ADAM12: variants seen among roughly 807,000 people sequenced by gnomAD.
The protein encoded by ADAM12 is ADAM metallopeptidase domain 12.
ADAM12 carries 70 observed loss-of-function variants against 106.4 expected under a neutral mutation model. The ratio of observed to expected loss-of-function variants is 0.66; its 90% CI spans 0.54 to 0.80. ADAM12 has a LOEUF of 0.80. Ranked by LOEUF, ADAM12 falls within the 30% of genes least tolerant of loss-of-function variation. The pLI, the probability that ADAM12 is intolerant of heterozygous loss-of-function variation, is 0.00. For synonymous variants in ADAM12, 420 were observed against 433.5 expected (o/e 0.97, Z 0.39); for missense variants, 1,010 against 1,171.9 (o/e 0.86, Z 2.02).
At chr10:126,117,159 C>T (rs1955999297) in intron 6 of ADAM12, among the ~76,000 whole-genome samples, 1 of 152,198 alleles carries the variant, frequency 6.6e-6, no homozygotes, top group African/African-American at 2.4e-5. Context: ...TCAGGGCCTC[C>T]AGCCAAATGT....
intron 1 of ADAM12, among the ~76,000 whole-genome samples, chr10:126,376,030 G>A (rs1048344238): frequency 2.7e-5 from 4 of 150,056 alleles, no homozygotes; most frequent in African/African-American, 9.8e-5. Context: ...TTACAGGTAT[G>A]AGTCACTGGG....
intron 1 of ADAM12, among the ~76,000 whole-genome samples, chr10:126,378,600 C>G (rs1445102468): frequency 6.6e-6 from 1 of 152,072 alleles, no homozygotes; most frequent in South Asian, 2.1e-4. Context: ...ACGAACCAAC[C>G]AACTTCACAG....
chr10:126,381,980 A>G (rs1354300483), intron 1 of ADAM12, among the ~76,000 whole-genome samples: 2 of 151,946 alleles, frequency 1.3e-5, no homozygotes, highest in African/African-American at 4.8e-5. Context: ...GTCTCAAAAA[A>G]AAAAAAACAA....
At chr10:126,375,943 G>A (rs1031787081) in intron 1 of ADAM12, among the ~76,000 whole-genome samples, 3 of 150,808 alleles carry the variant, frequency 2.0e-5, no homozygotes, top group South Asian at 2.1e-4. Flanking sequence ...GTGTCCTTAT[G>A]TTGCTCAGGC....
intron 4 of ADAM12, among the ~76,000 whole-genome samples, chr10:126,143,286 G>C (rs897639591): frequency 3.2e-5 from 3 of 94,328 alleles, no homozygotes; most frequent in Non-Finnish European, 8.2e-5. Context: ...GGGTATGCAT[G>C]TGTGTGTGTG....
At chr10:126,228,213 G>A (rs1356725706) in intron 3 of ADAM12, among the ~76,000 whole-genome samples, 5 of 152,166 alleles carry the variant, frequency 3.3e-5, no homozygotes, top group Admixed American at 6.5e-5. Context: ...TCACAAAGTC[G>A]TAACTGTACC....
chr10:126,206,658 C>G (rs907756184), intron 3 of ADAM12, among the ~76,000 whole-genome samples: 2 of 152,194 alleles, frequency 1.3e-5, no homozygotes, highest in Non-Finnish European at 2.9e-5. Flanking sequence ...ACATGGCTGG[C>G]AAGTACCAAC....
chr10:126,050,239 G>A (rs1238613633), intron 14 of ADAM12, among the ~76,000 whole-genome samples: 3 of 152,152 alleles, frequency 2.0e-5, no homozygotes, highest in African/African-American at 7.2e-5. Flanking sequence ...AGAGGCCATG[G>A]AGTCATAAAC....
chr10:126,119,663 C>A (rs1956049569), intron 5 of ADAM12, among the ~76,000 whole-genome samples: 2 of 152,170 alleles, frequency 1.3e-5, no homozygotes, highest in African/African-American at 2.4e-5. Flanking sequence ...AGCATAGATT[C>A]TTTTTAAAAA....
chr10:126,101,518 T>C (rs762915298), intron 8 of ADAM12, among the ~76,000 whole-genome samples: 1 of 152,240 alleles, frequency 6.6e-6, no homozygotes, highest in Non-Finnish European at 1.5e-5. Context: ...AGCATACATT[T>C]CAAATGACTC....
At chr10:126,121,672 T>G (rs1427475223) in intron 5 of ADAM12, among the ~76,000 whole-genome samples, 1 of 151,572 alleles carries the variant, frequency 6.6e-6, no homozygotes, top group Non-Finnish European at 1.5e-5. Flanking sequence ...AATCTAAGCT[T>G]CTTTCCAAAG....
chr10:126,240,277 C>T (rs1399713881), intron 3 of ADAM12, among the ~76,000 whole-genome samples: 1 of 152,238 alleles, frequency 6.6e-6, no homozygotes, highest in East Asian at 1.9e-4. Context: ...TTCCACAGCA[C>T]TCATTAAGCT....
chr10:126,065,610 T>A (rs1954851168), intron 13 of ADAM12, among the ~76,000 whole-genome samples: 1 of 152,126 alleles, frequency 6.6e-6, no homozygotes, highest in African/African-American at 2.4e-5. Context: ...AAATTAAGGC[T>A]CAGAGTAGCC....
rs1187694526 is a variant in ADAM12 at position 126,177,116 on chromosome 10, C to G, written c.261-21811G>C. Among the ~76,000 whole-genome samples, 9 of 152,014 alleles carry G rather than the reference C, an allele frequency of 5.9e-5. No individual in the cohort carries two copies. In the East Asian group the frequency reaches 1.7e-3, roughly 29 times the overall value. On this transcript the variant is annotated intron_variant, in intron 3 of 22. Transcript: ENST00000448723. ...TTGGTATTATTCATTTATGGCTGTA[C>G]ATGGCTGCAGGTGTGCTATAGGAAA...
intron 3 of ADAM12, among the ~76,000 whole-genome samples, chr10:126,270,453 C>T (rs889371445): frequency 6.6e-6 from 1 of 152,222 alleles, no homozygotes; most frequent in African/African-American, 2.4e-5. Flanking sequence ...AAATGTCCGT[C>T]TAGCCACACG....
chr10:126,112,950 C>T (rs1228968879), intron 6 of ADAM12, among the ~76,000 whole-genome samples: 2 of 152,152 alleles, frequency 1.3e-5, no homozygotes, highest in East Asian at 3.9e-4. Flanking sequence ...CCAGTGTCCT[C>T]CTGAAACTCA....
At chr10:126,316,425 C>G (rs546738499) in intron 2 of ADAM12, among the ~76,000 whole-genome samples, 1 of 152,140 alleles carries the variant, frequency 6.6e-6, no homozygotes, top group Non-Finnish European at 1.5e-5. Context: ...GTATCCTAGG[C>G]AGGGCCTCCG....
rs1262393332 is a variant in ADAM12, at chr10:126,248,522, C to T, written c.260+30393G>A. On this transcript the variant is annotated intron_variant, in intron 3 of 22. Coordinates refer to ENST00000448723, the MANE Select transcript of ADAM12 (RefSeq NM_001288973.2). Reference sequence around the variant, plus strand: ...CTTTGGCTTCTCACTGGTCTGTTCTCGTCCTTGGTGGCCAAACAGATGTCT... The same window carrying T: ...CTTTGGCTTCTCACTGGTCTGTTCTTGTCCTTGGTGGCCAAACAGATGTCT... Among the ~76,000 whole-genome samples, 7 of 152,202 alleles carry T rather than the reference C, an allele frequency of 4.6e-5. No individual in the cohort carries two copies. In the South Asian group the frequency reaches 1.5e-3, roughly 32 times the overall value.
intron 2 of ADAM12, among the ~76,000 whole-genome samples, chr10:126,315,870 G>A (rs940308528): frequency 1.3e-5 from 2 of 152,212 alleles, no homozygotes; most frequent in Non-Finnish European, 2.9e-5. Flanking sequence ...ACACAGACAT[G>A]GGCAGCTAGT....
Sources: allele counts gnomAD v4.1 joint callset (sites outside exome capture counted in the v4.1 genomes callset), GRCh38; gene constraint gnomAD v4.1.1; transcripts MANE v1.5; gene names NCBI Gene and HGNC (gene_info 2026-07-23, HGNC 2026-07-21).